The following NPLOC4 variants were observed in gnomAD, a reference collection of about 807,000 sequenced individuals.
The protein encoded by NPLOC4 is nuclear protein localization protein 4 homolog.
Under a neutral mutation model 80.6 loss-of-function variants are expected in NPLOC4, and 18 were observed. The observed-to-expected ratio is 0.22, with a 90% confidence interval of 0.15 to 0.33. The LOEUF (loss-of-function observed/expected upper bound fraction) is 0.33, where lower values mean the gene tolerates loss of function less well. Ranked by LOEUF, NPLOC4 falls within the 10% of genes least tolerant of loss-of-function variation. The pLI, the probability that NPLOC4 is intolerant of heterozygous loss-of-function variation, is 1.00. For synonymous variants in NPLOC4, 313 were observed against 301.5 expected, an observed-to-expected ratio of 1.04 and a Z score of -0.39; for missense variants, 540 against 786.1, an observed-to-expected ratio of 0.69 and a Z score of 3.74.
At chr17:81,591,385 A>T (rs2034734653) in intron 11 of NPLOC4, among the ~76,000 whole-genome samples, 1 of 145,224 alleles carries the variant, frequency 6.9e-6, no homozygotes, top group African/African-American at 2.5e-5. Context: ...CGATGAGCTG[A>T]GATCATACCA....
At position 81,589,046 on chromosome 17, in the gene NPLOC4, T is replaced by A. The variant is rs369916559; in HGVS notation, c.1179A>T (p.Ala393=). 3.7e-6 allele frequency: 6 copies of A among 1,613,860 alleles called. No homozygotes were observed. The highest frequency in any genetic ancestry group is 1.7e-5 in the Admixed American group (1 of 60,002). The change falls in exon 12 of 17, where the codon GCA becomes GCT. Residue 393 remains alanine (A), a synonymous_variant. Coordinates refer to ENST00000331134, the MANE Select transcript of NPLOC4 (RefSeq NM_017921.4). ...EGYQVSNQCM[A]LVRDECLLPC... Reference sequence around the variant, plus strand: ...GCAGCAAACACTCATCACGGACCAGTGCCATACACTGATTGGACACCTGGT... The same window carrying A: ...GCAGCAAACACTCATCACGGACCAGAGCCATACACTGATTGGACACCTGGT...
chr17:81,618,348 G>A (rs1263508479), intron 3 of NPLOC4, among the ~76,000 whole-genome samples: 8 of 122,024 alleles, frequency 6.6e-5, no homozygotes, highest in East Asian at 2.5e-4. Flanking sequence ...GCCTGGCCGC[G>A]ACCCCGTCTG....
intron 3 of NPLOC4, among the ~76,000 whole-genome samples, chr17:81,617,469 T>C (rs1237376543): frequency 6.6e-6 from 1 of 150,602 alleles, no homozygotes; most frequent in Non-Finnish European, 1.5e-5. Context: ...AGGTTAGGAG[T>C]TCAAGACTAG....
In NPLOC4 at chr17:81,557,630, C is replaced by G. The variant is rs765392677; in HGVS notation, c.*1629G>C. The G allele has an allele frequency of 6.6e-6, 1 of 152,012 alleles. No individual in the cohort carries two copies. The highest frequency in any genetic ancestry group is 1.5e-5 in the Non-Finnish European group (1 of 67,830). The allele number at this position is 152,012 out of a possible 1,614,324, so 9.4% of individuals were successfully genotyped here. A position where few individuals can be genotyped will look rare whatever the true frequency, so the allele number is the denominator to read the frequency against. On this transcript the variant is annotated 3_prime_UTR_variant, in exon 17 of 17. Transcript: ENST00000331134. The stretch of plus-strand genomic sequence containing the variant: ...CAGCTCATCTCAGGACCAGAGGAGA[C>G]AGCAGAGGACAAAACTTCAGTGTGA...
chr17:81,586,538 G>T (rs980813371), intron 12 of NPLOC4, among the ~76,000 whole-genome samples: 3 of 151,730 alleles, frequency 2.0e-5, no homozygotes, highest in African/African-American at 7.3e-5. Context: ...TGAACTCAAG[G>T]GGCGGAGGCT....
chr17:81,570,765 G>A (rs1025904315), intron 13 of NPLOC4, among the ~76,000 whole-genome samples: 2 of 152,184 alleles, frequency 1.3e-5, no homozygotes, highest in African/African-American at 4.8e-5. Context: ...AGCGCCTGTG[G>A]CCCAGGGCTG....
rs1340749079 is a variant in NPLOC4 at position 81,615,018 on chromosome 17, TA to T, written c.210-1525del. The stretch of plus-strand genomic sequence containing the variant: ...TGGGGCTCAGGTGCAGCTCTTCAAC[TA>T]ATTTCTTTCCTCCTCCTCTTCCTCC... On this transcript the variant is annotated intron_variant, in intron 3 of 16. Transcript: ENST00000331134. 2.0e-5 allele frequency among the ~76,000 whole-genome samples: 3 copies of T among 152,150 alleles called. No individual in the cohort carries two copies. The South Asian group carries it at 6.2e-4, about 32-fold the overall frequency.
chr17:81,578,707 A>C (rs1472059678), intron 12 of NPLOC4, among the ~76,000 whole-genome samples: 1 of 152,144 alleles, frequency 6.6e-6, no homozygotes, highest in African/African-American at 2.4e-5. Flanking sequence ...ACTATCACTG[A>C]GAACAGGATG....
chr17:81,603,736 T>G (rs2035127303), intron 8 of NPLOC4, among the ~76,000 whole-genome samples: 1 of 152,180 alleles, frequency 6.6e-6, no homozygotes, highest in African/African-American at 2.4e-5. Flanking sequence ...ACCCATCAAT[T>G]CATTTTATTT....
At chr17:81,584,427 A>G (rs1243385503) in intron 12 of NPLOC4, among the ~76,000 whole-genome samples, 1 of 152,242 alleles carries the variant, frequency 6.6e-6, no homozygotes, top group East Asian at 1.9e-4. Flanking sequence ...TGGAAATAAA[A>G]AAGCCAATTT....
At chr17:81,611,304 G>C (rs866302506) in intron 4 of NPLOC4, among the ~76,000 whole-genome samples, 1 of 151,874 alleles carries the variant, frequency 6.6e-6, no homozygotes, top group Non-Finnish European at 1.5e-5. Flanking sequence ...TGGGAGACGA[G>C]AGTGAAATTC....
intron 2 of NPLOC4, among the ~76,000 whole-genome samples, chr17:81,627,445 A>C (rs903266217): frequency 1.3e-5 from 2 of 151,780 alleles, no homozygotes; most frequent in Non-Finnish European, 2.9e-5. Flanking sequence ...GTCAACTCAG[A>C]AATCTGTTTT....
At chr17:81,598,612 G>C (rs556292282) in intron 9 of NPLOC4, among the ~76,000 whole-genome samples, 1 of 152,312 alleles carries the variant, frequency 6.6e-6, no homozygotes, top group Admixed American at 6.5e-5. Context: ...TCTGAAACCT[G>C]TGACCCAGCA....
At chr17:81,571,035 A>G (rs970036690) in intron 13 of NPLOC4, among the ~76,000 whole-genome samples, 4 of 152,080 alleles carry the variant, frequency 2.6e-5, no homozygotes, top group African/African-American at 9.7e-5. Flanking sequence ...TGCTCCATCA[A>G]TCTGTTTTCA....
chr17:81,616,333 A>AAAAAAGAAAC lies in NPLOC4; in HGVS notation c.210-2840_210-2839insGTTTCTTTTT, dbSNP rs1555686396. Among the ~76,000 whole-genome samples, 7 of 115,636 alleles carry AAAAAAGAAAC rather than the reference A, an allele frequency of 6.1e-5. 2 individuals are homozygous for AAAAAAGAAAC. Among genetic ancestry groups the AAAAAAGAAAC allele is most frequent in the African/African-American group, 1.7e-4 (5 of 28,990 alleles). The allele number at this position is 115,636 out of a possible 152,430, so 75.9% of individuals were successfully genotyped here. A position where few individuals can be genotyped will look rare whatever the true frequency, so the allele number is the denominator to read the frequency against. On this transcript the variant is annotated intron_variant, in intron 3 of 16. Transcript: ENST00000331134. ...AAGACTCTGTCTCAAAAAAAAAAAA[A>AAAAAAGAAAC]AAAAAGAAAAGCAAAGCTGCTAAAT...
intron 7 of NPLOC4, among the ~76,000 whole-genome samples, chr17:81,605,978 G>A (rs374422690): frequency 3.1e-3 from 476 of 151,508 alleles, no homozygotes; most frequent in African/African-American, 0.011. Flanking sequence ...CCATCACTAC[G>A]CCCAGCTAAT....
In NPLOC4 at chr17:81,565,621, A is replaced by G. The variant is rs1442885426; in HGVS notation, c.1567-14T>C. 3.3e-6 allele frequency: 5 copies of G among 1,533,472 alleles called. No individual in the cohort carries two copies. The Admixed American group carries it at 8.7e-5, about 27-fold the overall frequency. 95.0% of individuals were successfully genotyped at this position (1,533,472 alleles called of 1,614,324 possible). On this transcript the variant is annotated splice_polypyrimidine_tract_variant and intron_variant, in intron 15 of 16. Transcript: ENST00000331134. ...GCTGATGCTGTCCTACAAGAAGCCA[A>G]AAGGAAGGTTCCTCTTCGCTGTGCC...
intron 11 of NPLOC4, among the ~76,000 whole-genome samples, chr17:81,591,468 A>AAAC: frequency 6.9e-6 from 1 of 145,966 alleles, no homozygotes; most frequent in Non-Finnish European, 1.5e-5. Context: ...AAAAAAAAAA[A>AAAC]AAAACCTGCT....
intron 1 of NPLOC4, among the ~76,000 whole-genome samples, chr17:81,633,515 T>C (rs914758944): frequency 2.6e-5 from 4 of 152,162 alleles, no homozygotes; most frequent in African/African-American, 9.7e-5. Flanking sequence ...ACAAACATAA[T>C]TTGTACGATG....
Sources: allele counts gnomAD v4.1 joint callset (sites outside exome capture counted in the v4.1 genomes callset), GRCh38; gene constraint gnomAD v4.1.1; transcripts MANE v1.5; gene names NCBI Gene and HGNC (gene_info 2026-07-23, HGNC 2026-07-21).